The following SORBS2 variants were observed in gnomAD, a reference collection of about 807,000 sequenced individuals.
SORBS2 encodes sorbin and SH3 domain containing 2.
SORBS2 carries 46 observed loss-of-function variants against 97.7 expected under a neutral mutation model. That is an observed-to-expected ratio of 0.47 (90% CI 0.37 to 0.60). SORBS2 has a LOEUF of 0.60. Ranked by LOEUF, SORBS2 falls within the 20% of genes least tolerant of loss-of-function variation. The probability of loss-of-function intolerance (pLI) is 0.00; values close to 1 mark genes in which losing one functional copy is unlikely to be tolerated. For missense variants in SORBS2, 1,316 were observed against 1,282.3 expected (o/e 1.03, Z -0.40); for synonymous variants, 476 against 473.4 (o/e 1.01, Z -0.07).
chr4:185,942,805 G>A (rs1478925819), intron 1 of SORBS2, among the ~76,000 whole-genome samples: 1 of 152,068 alleles, frequency 6.6e-6, no homozygotes, highest in Non-Finnish European at 1.5e-5. Context: ...AAGAGATCAT[G>A]TATGTCTTAT....
At chr4:185,904,163 T>A (rs1469760821) in intron 1 of SORBS2, among the ~76,000 whole-genome samples, 2 of 152,198 alleles carry the variant, frequency 1.3e-5, no homozygotes, top group African/African-American at 4.8e-5. Flanking sequence ...GGATGTATAA[T>A]CTTATTAATT....
Position 185,606,789 on chromosome 4 carries a change from C to A in SORBS2, c.2796+4991G>T, listed in dbSNP as rs757020841. On this transcript the variant is annotated intron_variant, in intron 12 of 14. Transcript: ENST00000418609. The surrounding 1 kb of genome is among the most constrained non-coding windows in gnomAD (Gnocchi z 4.3). ...CTGGCGGCCCTCTCTGGATGCCTGA[C>A]ACAATCCCCTCATAGATGCCCTCAT... 1.0e-6 allele frequency: 1 copy of A among 985,256 alleles called. No homozygotes were observed. Among genetic ancestry groups the A allele is most frequent in the Non-Finnish European group, 1.2e-6 (1 of 829,940 alleles). 61.0% of individuals were successfully genotyped at this position (985,256 alleles called of 1,614,324 possible). A position where few individuals can be genotyped will look rare whatever the true frequency, so the allele number is the denominator to read the frequency against.
In SORBS2 at chr4:185,771,071, C is replaced by A. The variant is rs181592668; in HGVS notation, c.-198+4156G>T. On this transcript the variant is annotated intron_variant, in intron 2 of 20. Transcript: ENST00000284776. ...TCTTGGCTCACTGCACCCTCCGCCT[C>A]CCAGGTTCAAGCTATTCTCCCACTT... 7.9e-3 allele frequency: 1,186 copies of A among 150,372 alleles called. 12 individuals carry two copies. The highest frequency in any genetic ancestry group is 0.014 in the Non-Finnish European group (943 of 67,780). The allele number at this position is 150,372 out of a possible 1,614,324, so 9.3% of individuals were successfully genotyped here.
intron 2 of SORBS2, among the ~76,000 whole-genome samples, chr4:185,691,696 C>A (rs1426608663): frequency 6.6e-6 from 1 of 152,072 alleles, no homozygotes; most frequent in Non-Finnish European, 1.5e-5. Context: ...GGATGCAAAG[C>A]AATTGAGATT....
At chr4:185,893,960 A>G (rs2099243761) in intron 1 of SORBS2, among the ~76,000 whole-genome samples, 1 of 152,124 alleles carries the variant, frequency 6.6e-6, no homozygotes, top group African/African-American at 2.4e-5. Flanking sequence ...TGAGGAAGAC[A>G]AGGGTGCCTC....
intron 1 of SORBS2, among the ~76,000 whole-genome samples, chr4:185,795,448 C>A (rs1020578062): frequency 2.6e-4 from 39 of 152,158 alleles, no homozygotes; most frequent in Admixed American, 8.5e-4. Context: ...CAGCAGACAC[C>A]TCCTGCCCAG....
At position 185,907,688 on chromosome 4, in the gene SORBS2, A is replaced by G. The variant is rs188413201; in HGVS notation, c.-338+48508T>C. On this transcript the variant is annotated intron_variant, in intron 1 of 20. Transcript: ENST00000284776. ...CTACCTCAGTTCTTTAGTGGAAAAT[A>G]CAAGGATATAGATGTTATTATAGGT... Among the ~76,000 whole-genome samples, 377 of 152,308 alleles carry G rather than the reference A, an allele frequency of 2.5e-3. 1 individual carries two copies. Among genetic ancestry groups the G allele is most frequent in the African/African-American group, 7.9e-3 (327 of 41,566 alleles).
rs13144128 is a variant in SORBS2 at position 185,606,903 on chromosome 4, T to A, written c.2796+4877A>T. On this transcript the variant is annotated intron_variant, in intron 12 of 14. Coordinates refer to ENST00000418609, the Ensembl canonical transcript of SORBS2. This position sits in a 1 kb window ranked among gnomAD's most constrained non-coding sequence, Gnocchi z 4.3. Reference sequence around the variant, plus strand: ...CAAAATTATCCCCTAGGACTTCTGGTGCCTTTTTAGGGTCTGAGAAGCCCC... The same window carrying A: ...CAAAATTATCCCCTAGGACTTCTGGAGCCTTTTTAGGGTCTGAGAAGCCCC... 5 of 988,654 alleles carry A rather than the reference T, an allele frequency of 5.1e-6. No individual in the cohort carries two copies. In the South Asian group the frequency reaches 2.3e-4, roughly 46 times the overall value. The allele number at this position is 988,654 out of a possible 1,614,324, so 61.2% of individuals were successfully genotyped here.
In SORBS2 at chr4:185,606,322, A is replaced by G. The variant is rs2096417523; in HGVS notation, c.2796+5458T>C. 2.1e-6 allele frequency: 2 copies of G among 974,354 alleles called. No homozygotes were observed. The highest frequency in any genetic ancestry group is 2.4e-6 in the Non-Finnish European group (2 of 820,002). 60.4% of individuals were successfully genotyped at this position (974,354 alleles called of 1,614,324 possible). A position where few individuals can be genotyped will look rare whatever the true frequency, so the allele number is the denominator to read the frequency against. On this transcript the variant is annotated intron_variant, in intron 12 of 14. Coordinates refer to ENST00000418609, the Ensembl canonical transcript of SORBS2. This position sits in a 1 kb window ranked among gnomAD's most constrained non-coding sequence, Gnocchi z 4.3. ...TTAATATTGGAAGATTACAAAGACTATATCAATTACAAAGACTTTTACAAT... is the reference window on the plus strand; with the variant it reads ...TTAATATTGGAAGATTACAAAGACTGTATCAATTACAAAGACTTTTACAAT...
At position 185,610,389 on chromosome 4, in the gene SORBS2, G is replaced by A. The variant is rs550574582; in HGVS notation, c.2796+1391C>T. 7.3e-5 allele frequency among the ~76,000 whole-genome samples: 11 copies of A among 150,064 alleles called. No homozygotes were observed. In the East Asian group the frequency reaches 2.2e-3, roughly 29 times the overall value. ...TGCTGATCTGTAAATGCTAAGGTCT[G>A]GTAATGAAGTAAATATACTTAAGAA... On this transcript the variant is annotated intron_variant, in intron 12 of 14. Transcript: ENST00000418609.
chr4:185,659,341 T>C (rs1199297825), upstream of SORBS2, among the ~76,000 whole-genome samples: 1 of 152,068 alleles, frequency 6.6e-6, no homozygotes, highest in Non-Finnish European at 1.5e-5. Flanking sequence ...GTGGTTGAAG[T>C]CCCGGGTTGT....
At chr4:185,954,849 T>C (rs1331920590) in intron 1 of SORBS2, among the ~76,000 whole-genome samples, 3 of 152,056 alleles carry the variant, frequency 2.0e-5, no homozygotes, top group Non-Finnish European at 4.4e-5. Flanking sequence ...TCCCAGCTAC[T>C]CAGGAGGCTG....
At chr4:185,901,507 G>A (rs967064650) in intron 1 of SORBS2, among the ~76,000 whole-genome samples, 1 of 152,104 alleles carries the variant, frequency 6.6e-6, no homozygotes, top group Non-Finnish European at 1.5e-5. Flanking sequence ...CCTGGCCGAA[G>A]AGGAAAATTT....
chr4:185,721,607 T>C (rs1208392174), intron 2 of SORBS2, among the ~76,000 whole-genome samples: 1 of 152,176 alleles, frequency 6.6e-6, no homozygotes, highest in Non-Finnish European at 1.5e-5. Context: ...AATGGAGAAA[T>C]AACTTTTTTG....
At chr4:185,730,776 A>G (rs2098613849) in intron 2 of SORBS2, among the ~76,000 whole-genome samples, 1 of 152,212 alleles carries the variant, frequency 6.6e-6, no homozygotes, top group Non-Finnish European at 1.5e-5. Flanking sequence ...TCCAGGCGTT[A>G]AATGCAGCTG....
chr4:185,664,763 G>A (rs919592892), intron 4 of SORBS2, among the ~76,000 whole-genome samples: 5 of 152,028 alleles, frequency 3.3e-5, no homozygotes, highest in African/African-American at 9.7e-5. Flanking sequence ...ATTTCTCTGC[G>A]CATAAAATTT....
chr4:185,730,584 C>T (rs1042129198), intron 2 of SORBS2, among the ~76,000 whole-genome samples: 1 of 152,220 alleles, frequency 6.6e-6, no homozygotes, highest in South Asian at 2.1e-4. Flanking sequence ...ACAGGAAGTC[C>T]TTGAGCGAGT....
intron 2 of SORBS2, among the ~76,000 whole-genome samples, chr4:185,713,579 T>C (rs34982347): frequency 0.3 from 45,928 of 152,076 alleles, 7,248 homozygotes; most frequent in South Asian, 0.43. Context: ...GGGGAAGGGA[T>C]GAGTATTACA....
intron 11 of SORBS2, among the ~76,000 whole-genome samples, chr4:185,613,269 G>A (rs1020150932): frequency 6.6e-6 from 1 of 152,198 alleles, no homozygotes; most frequent in Admixed American, 6.5e-5. Context: ...TCGACCTTGA[G>A]TAGCACTTGG....
Sources: allele counts gnomAD v4.1 joint callset (sites outside exome capture counted in the v4.1 genomes callset), GRCh38; gene constraint gnomAD v4.1.1; non-coding constraint Gnocchi (gnomAD v3.1); transcripts MANE v1.5; gene names NCBI Gene and HGNC (gene_info 2026-07-23, HGNC 2026-07-21).